The following PRDM16 variants were observed in gnomAD, a reference collection of about 807,000 sequenced individuals.
The protein encoded by PRDM16 is histone-lysine N-methyltransferase PRDM16.
PRDM16 carries 23 observed loss-of-function variants against 110.6 expected under a neutral mutation model. The ratio of observed to expected loss-of-function variants is 0.21; its 90% CI spans 0.15 to 0.29. The LOEUF (loss-of-function observed/expected upper bound fraction) is 0.29. Ranked by LOEUF, PRDM16 falls within the 10% of genes least tolerant of loss-of-function variation. The pLI, the probability that PRDM16 is intolerant of heterozygous loss-of-function variation, is 1.00. For synonymous variants in PRDM16, 799 were observed against 781.8 expected (o/e 1.02, Z -0.37); for missense variants, 1,615 against 1,794.3 (o/e 0.90, Z 1.81).
At chr1:3,195,655 C>T (rs1638456058) in intron 2 of PRDM16, among the ~76,000 whole-genome samples, 1 of 151,832 alleles carries the variant, frequency 6.6e-6, no homozygotes, top group South Asian at 2.1e-4. Context: ...TACCAAGAGA[C>T]CTGAAAACAT....
chr1:3,386,476 C>T (rs921222187), intron 4 of PRDM16, among the ~76,000 whole-genome samples: 3 of 152,314 alleles, frequency 2.0e-5, no homozygotes, highest in African/African-American at 7.2e-5. Flanking sequence ...GAATCTCCAT[C>T]GAGCAGTTGC....
chr1:3,390,107 T>G lies in PRDM16; in HGVS notation c.573+4821T>G, dbSNP rs1468104793. ...CAGACAGGGACAGTTCCTGAATTTG[T>G]TTTAACGTGAAGAAAGAAAACAAGA... On this transcript the variant is annotated intron_variant, in intron 4 of 16. Coordinates refer to ENST00000270722, the MANE Select transcript of PRDM16 (RefSeq NM_022114.4). This position sits in a 1 kb window ranked among gnomAD's most constrained non-coding sequence, Gnocchi z 5.0. Among the ~76,000 whole-genome samples, 1 of 152,168 alleles carries G rather than the reference T, an allele frequency of 6.6e-6. No homozygotes were observed. The highest frequency in any genetic ancestry group is 1.5e-5 in the Non-Finnish European group (1 of 68,034).
chr1:3,158,710 T>C (rs1643876127), intron 1 of PRDM16, among the ~76,000 whole-genome samples: 1 of 151,826 alleles, frequency 6.6e-6, no homozygotes, highest in Non-Finnish European at 1.5e-5. Context: ...TCTCTTTCTT[T>C]CTTTCTTCCT....
intron 1 of PRDM16, among the ~76,000 whole-genome samples, chr1:3,138,847 G>A (rs1643489979): frequency 6.6e-6 from 1 of 152,188 alleles, no homozygotes; most frequent in African/African-American, 2.4e-5. Flanking sequence ...GGCTTTCCCT[G>A]GGCTTGGTGC....
At position 3,431,046 on chromosome 1, in the gene PRDM16, C is replaced by CGAGGATGAG. The variant is rs778222386; in HGVS notation, c.3472_3480dup (p.Asp1158_Glu1160dup). 1.9e-6 allele frequency: 3 copies of CGAGGATGAG among 1,560,992 alleles called. No individual in the cohort carries two copies. Among genetic ancestry groups the CGAGGATGAG allele is most frequent in the Non-Finnish European group, 2.6e-6 (3 of 1,152,618 alleles). On this transcript the variant is annotated inframe_insertion, in exon 15 of 17. Transcript: ENST00000270722. ...CCGCACCCGAGCCCCAGGCCGCCTA[C>CGAGGATGAG]GAGGATGAGGAGGATGAGGAGCCAG...
chr1:3,078,637 G>A (rs1046976594), intron 1 of PRDM16, among the ~76,000 whole-genome samples: 1 of 152,190 alleles, frequency 6.6e-6, no homozygotes, highest in Non-Finnish European at 1.5e-5. Context: ...TTTTTAATTC[G>A]GTAGTTCAAA....
At chr1:3,152,232 A>C (rs1218247330) in intron 1 of PRDM16, among the ~76,000 whole-genome samples, 1 of 152,128 alleles carries the variant, frequency 6.6e-6, no homozygotes. Context: ...ATCTGGGGCA[A>C]TGCCAAGTTA....
Position 3,265,975 on chromosome 1 carries a change from G to A in PRDM16, c.438+21838G>A, listed in dbSNP as rs1236530308. On this transcript the variant is annotated intron_variant, in intron 3 of 16. Transcript: ENST00000270722. The surrounding 1 kb of genome is among the most constrained non-coding windows in gnomAD (Gnocchi z 4.5). ...GCCAGGCCCAGCCCCCAACTCAAGG[G>A]CCGCCCTCCAGCCTAGCGACGCCAC... 6.6e-6 allele frequency among the ~76,000 whole-genome samples: 1 copy of A among 152,146 alleles called. No homozygotes were observed. Among genetic ancestry groups the A allele is most frequent in the Non-Finnish European group, 1.5e-5 (1 of 68,012 alleles).
intron 3 of PRDM16, among the ~76,000 whole-genome samples, chr1:3,284,121 C>T (rs960938756): frequency 3.3e-5 from 5 of 152,200 alleles, no homozygotes; most frequent in African/African-American, 9.6e-5. Context: ...ACCCGCCACC[C>T]GTAGCCCGCC....
intron 1 of PRDM16, among the ~76,000 whole-genome samples, chr1:3,098,301 C>T (rs757248940): frequency 6.6e-5 from 10 of 152,182 alleles, no homozygotes; most frequent in African/African-American, 1.7e-4. Context: ...TTCTTGGGGC[C>T]GGCTCCCTGC....
At chr1:3,331,854 G>A (rs1272182570) in intron 3 of PRDM16, among the ~76,000 whole-genome samples, 3 of 152,232 alleles carry the variant, frequency 2.0e-5, no homozygotes, top group Non-Finnish European at 4.4e-5. Context: ...TCTGTGGCCA[G>A]ATCTGCACAC....
chr1:3,286,367 C>G (rs1489407152), intron 3 of PRDM16, among the ~76,000 whole-genome samples: 1 of 152,216 alleles, frequency 6.6e-6, no homozygotes, highest in Non-Finnish European at 1.5e-5. Flanking sequence ...AGGGCCGCCC[C>G]CTGCCTGGCA....
At chr1:3,089,122 C>T (rs2100593640) in intron 1 of PRDM16, among the ~76,000 whole-genome samples, 1 of 152,354 alleles carries the variant, frequency 6.6e-6, no homozygotes, top group Middle Eastern at 3.4e-3. Context: ...TACCTGGCCC[C>T]TTGTCGCCCC....
chr1:3,117,722 C>T (rs574022153), intron 1 of PRDM16, among the ~76,000 whole-genome samples: 154 of 152,228 alleles, frequency 1.0e-3, no homozygotes, highest in African/African-American at 1.8e-3. Flanking sequence ...TCCTGTTGAC[C>T]GCTGGGCTGA....
intron 5 of PRDM16, among the ~76,000 whole-genome samples, chr1:3,400,609 C>T (rs905985936): frequency 6.6e-6 from 1 of 152,210 alleles, no homozygotes; most frequent in Non-Finnish European, 1.5e-5. Flanking sequence ...GGACGGAGCC[C>T]TCCAAGCCCC....
chr1:3,281,783 G>A (rs143412988), intron 3 of PRDM16, among the ~76,000 whole-genome samples: 257 of 152,316 alleles, frequency 1.7e-3, no homozygotes, highest in Non-Finnish European at 2.0e-3. Context: ...AGCTATGGCC[G>A]GATTGATTGA....
chr1:3,399,429 A>T (rs573434187), intron 5 of PRDM16, among the ~76,000 whole-genome samples: 1 of 152,196 alleles, frequency 6.6e-6, no homozygotes, highest in East Asian at 1.9e-4. Context: ...CATGAGCCCC[A>T]GGGGTGTATT....
At chr1:3,124,429 G>A (rs1019570771) in intron 1 of PRDM16, among the ~76,000 whole-genome samples, 5 of 152,262 alleles carry the variant, frequency 3.3e-5, no homozygotes, top group Admixed American at 6.5e-5. Flanking sequence ...CTCTGCTCCC[G>A]TGGCCTCTAA....
chr1:3,088,451 AT>A lies in PRDM16; in HGVS notation c.37+19158del, dbSNP rs113397009. ...TGGGAGATGCAGGGATTCTTTTATT[AT>A]TTATTTATTTATTTATTTATTTATT... On this transcript the variant is annotated intron_variant, in intron 1 of 16. Coordinates refer to ENST00000270722, the MANE Select transcript of PRDM16 (RefSeq NM_022114.4). Among the ~76,000 whole-genome samples, 130 of 80,780 alleles carry A rather than the reference AT, an allele frequency of 1.6e-3. 1 individual carries two copies. Among genetic ancestry groups the A allele is most frequent in the African/African-American group, 4.0e-3 (82 of 20,452 alleles). 53.0% of individuals were successfully genotyped at this position (80,780 alleles called of 152,430 possible).
Sources: allele counts gnomAD v4.1 joint callset (sites outside exome capture counted in the v4.1 genomes callset), GRCh38; gene constraint gnomAD v4.1.1; non-coding constraint Gnocchi (gnomAD v3.1); transcripts MANE v1.5; gene names NCBI Gene and HGNC (gene_info 2026-07-23, HGNC 2026-07-21).